Variants in RPS6KC1 observed in about 807,000 individuals in gnomAD.
The protein encoded by RPS6KC1 is ribosomal protein S6 kinase C1, also known as inactive ribosomal protein S6 kinase delta-1.
Under a neutral mutation model 103.8 loss-of-function variants are expected in RPS6KC1, and 54 were observed. The ratio of observed to expected loss-of-function variants is 0.52; its 90% CI spans 0.42 to 0.65. The LOEUF is 0.65. Ranked by LOEUF, RPS6KC1 falls within the 30% of genes least tolerant of loss-of-function variation. RPS6KC1 has a pLI of 0.00. For missense variants in RPS6KC1, 1,151 were observed against 1,253.8 expected (o/e 0.92, Z 1.24); for synonymous variants, 439 against 438.7 (o/e 1.00, Z -0.01).
At chr1:213,852,408 G>T in the RPS6KC1 span, among the ~76,000 whole-genome samples, 1 of 151,638 alleles carries the variant, frequency 6.6e-6, no homozygotes, top group Non-Finnish European at 1.5e-5. Flanking sequence ...TACTGGTAAT[G>T]CTTCTACAAC....
intron 6 of RPS6KC1, 123 bp from the exon 7 acceptor site, chr1:213,167,735 T>G: frequency 2.0e-6 from 1 of 505,754 alleles, no homozygotes. Context: ...TCTTTTCCAA[T>G]TTTGAATATC....
At chr1:213,798,431 T>C in the RPS6KC1 span, among the ~76,000 whole-genome samples, 3 of 152,110 alleles carry the variant, frequency 2.0e-5, no homozygotes, top group Non-Finnish European at 4.4e-5. Context: ...AGGATAACTA[T>C]TGCAGAGGTG....
the RPS6KC1 span, among the ~76,000 whole-genome samples, chr1:213,638,525 T>C: frequency 3.9e-5 from 6 of 152,004 alleles, no homozygotes; most frequent in Admixed American, 6.6e-5. Context: ...TTACATTTTA[T>C]ATAAGGTTTG....
At chr1:213,194,010 C>CAT (rs1287150164) in intron 8 of RPS6KC1, among the ~76,000 whole-genome samples, 1 of 152,166 alleles carries the variant, frequency 6.6e-6, no homozygotes, top group Non-Finnish European at 1.5e-5. Context: ...GTGCTGGGTG[C>CAT]ATATATATTT....
At chr1:213,828,734 A>T in the RPS6KC1 span, among the ~76,000 whole-genome samples, 1 of 152,208 alleles carries the variant, frequency 6.6e-6, no homozygotes, top group Non-Finnish European at 1.5e-5. Flanking sequence ...AGATGAAGAC[A>T]CTTGCCCGAA....
intron 8 of RPS6KC1, among the ~76,000 whole-genome samples, chr1:213,226,006 G>A (rs147763751): frequency 0.03 from 4,604 of 151,938 alleles, 222 homozygotes; most frequent in African/African-American, 0.11. Flanking sequence ...GGCGGATCAC[G>A]AGGTCGGGAG....
intron 8 of RPS6KC1, among the ~76,000 whole-genome samples, chr1:213,187,616 C>T (rs1193011270): frequency 6.6e-6 from 1 of 151,770 alleles, no homozygotes; most frequent in Non-Finnish European, 1.5e-5. Context: ...AGGTCGCTGA[C>T]TTTCCTTATA....
the RPS6KC1 span, among the ~76,000 whole-genome samples, chr1:213,679,218 C>A: frequency 2.5e-4 from 38 of 152,304 alleles, no homozygotes; most frequent in East Asian, 7.0e-3. Context: ...TGTGATCTGG[C>A]AAGACCTTGA....
At chr1:213,609,386 T>A in the RPS6KC1 span, among the ~76,000 whole-genome samples, 3 of 152,166 alleles carry the variant, frequency 2.0e-5, no homozygotes, top group Non-Finnish European at 2.9e-5. Flanking sequence ...TAAGTCTTTG[T>A]CCTCACGCCC....
At chr1:213,753,500 G>A in the RPS6KC1 span, among the ~76,000 whole-genome samples, 6 of 152,088 alleles carry the variant, frequency 3.9e-5, no homozygotes, top group Admixed American at 3.9e-4. Context: ...CTACTAGATT[G>A]CCCTGTGCTC....
chr1:213,586,387 A>G, the RPS6KC1 span, among the ~76,000 whole-genome samples: 1 of 152,252 alleles, frequency 6.6e-6, no homozygotes, highest in African/African-American at 2.4e-5. Context: ...AGATGGAAAT[A>G]AATCTGGGAG....
chr1:213,626,379 C>T, the RPS6KC1 span, among the ~76,000 whole-genome samples: 1 of 152,156 alleles, frequency 6.6e-6, no homozygotes, highest in Admixed American at 6.5e-5. Flanking sequence ...TGTAGGTTGC[C>T]TGTTCACTTT....
the RPS6KC1 span, among the ~76,000 whole-genome samples, chr1:213,802,121 A>G: frequency 2.6e-5 from 4 of 152,246 alleles, no homozygotes; most frequent in Non-Finnish European, 4.4e-5. Flanking sequence ...GTGAAGAAGG[A>G]CCTGCTATGC....
At chr1:213,370,286 T>TATTTTATTTTATTTTA in the RPS6KC1 span, among the ~76,000 whole-genome samples, 3 of 150,480 alleles carry the variant, frequency 2.0e-5, no homozygotes, top group Admixed American at 6.6e-5. Flanking sequence ...TATTTTATTT[T>TATTTTATTTTATTTTA]TTTTGCATGT....
intron 1 of RPS6KC1, among the ~76,000 whole-genome samples, chr1:213,053,173 T>TG (rs2077082243): frequency 6.6e-6 from 1 of 152,182 alleles, no homozygotes; most frequent in South Asian, 2.1e-4. Flanking sequence ...AGGCTTAGTT[T>TG]CCTAACACAT....
At chr1:213,363,686 CTTT>C in the RPS6KC1 span, among the ~76,000 whole-genome samples, 23 of 102,936 alleles carry the variant, frequency 2.2e-4, 1 homozygote, top group East Asian at 6.3e-4. Flanking sequence ...TTCTTTCTTT[CTTT>C]CTTTCTTTCT....
At chr1:213,444,636 A>G in the RPS6KC1 span, among the ~76,000 whole-genome samples, 2 of 151,632 alleles carry the variant, frequency 1.3e-5, no homozygotes, top group East Asian at 2.0e-4. Flanking sequence ...GTGCACCTGT[A>G]ATTCCAGCTA....
At chr1:213,667,205 G>A in the RPS6KC1 span, among the ~76,000 whole-genome samples, 2 of 152,136 alleles carry the variant, frequency 1.3e-5, no homozygotes, top group Non-Finnish European at 2.9e-5. Flanking sequence ...AAGAAGTTCT[G>A]TGAAGTTACA....
chr1:213,415,772 C>T, the RPS6KC1 span, among the ~76,000 whole-genome samples: 2,365 of 152,314 alleles, frequency 0.016, 57 homozygotes, highest in African/African-American at 0.053. Flanking sequence ...AGCTGTGGAG[C>T]CTCGGGCTTC....
Sources: allele counts gnomAD v4.1 joint callset (sites outside exome capture counted in the v4.1 genomes callset), GRCh38; gene constraint gnomAD v4.1.1; transcripts MANE v1.5; gene names NCBI Gene and HGNC (gene_info 2026-07-23, HGNC 2026-07-21).